The following VPS13C variants were observed in gnomAD, a reference collection of about 807,000 sequenced individuals.
VPS13C encodes intermembrane lipid transfer protein VPS13C.
A neutral mutation model predicts 456.8 loss-of-function variants in VPS13C; 358 were observed. That is an observed-to-expected ratio of 0.78 (90% CI 0.72 to 0.86). VPS13C has a LOEUF of 0.86. VPS13C is among the 40% of genes least tolerant of loss of function. The probability of loss-of-function intolerance (pLI) is 0.00; values close to 1 mark genes in which losing one functional copy is unlikely to be tolerated. For synonymous variants in VPS13C, 1,578 were observed against 1,486.7 expected (o/e 1.06, Z -1.41); for missense variants, 4,818 against 4,385.4 (o/e 1.10, Z -2.79).
At chr15:62,019,112 T>C (rs1047913988) in intron 9 of VPS13C, among the ~76,000 whole-genome samples, 1 of 152,206 alleles carries the variant, frequency 6.6e-6, no homozygotes, top group Non-Finnish European at 1.5e-5. Flanking sequence ...TAGTTTTGTA[T>C]TTCTGTGGGA....
At chr15:61,976,488 G>C (rs897360645) in intron 24 of VPS13C, among the ~76,000 whole-genome samples, 1 of 151,960 alleles carries the variant, frequency 6.6e-6, no homozygotes, top group Non-Finnish European at 1.5e-5. Context: ...TGGGGGAAGA[G>C]AAATTTAAGT....
At position 61,878,663 on chromosome 15, in the gene VPS13C, G is replaced by A; in HGVS notation, c.10086C>T (p.Asn3362=). 6.2e-7 allele frequency: 1 copy of A among 1,611,670 alleles called. No homozygotes were observed. The highest frequency in any genetic ancestry group is 2.2e-5 in the East Asian group (1 of 44,774). Residue 3362 remains asparagine (N), a synonymous_variant, in exon 74 of 85, where the codon AAC becomes AAT. Transcript: ENST00000644861. The part of the protein sequence containing the change: ...KQEMFAVHSV[N]LLLKSIGATL... ...TAGCACCTATGCTTTTCAACAGCAAGTTGACAGAATGAACTGCAAACATTT... is the reference window on the plus strand; with the variant it reads ...TAGCACCTATGCTTTTCAACAGCAAATTGACAGAATGAACTGCAAACATTT...
intron 8 of VPS13C, among the ~76,000 whole-genome samples, chr15:62,021,552 AT>A (rs1242006802): frequency 6.6e-6 from 1 of 151,924 alleles, no homozygotes; most frequent in East Asian, 1.9e-4. Context: ...GAAAAGTCTT[AT>A]AGAATTGTTT....
chr15:61,934,396 GATA>G, intron 48 of VPS13C, 65 bp from the exon 49 acceptor site: 1 of 842,280 alleles, frequency 1.2e-6, no homozygotes, highest in South Asian at 3.0e-5. Flanking sequence ...TTAAATATGA[GATA>G]ATTTCTTATT....
In VPS13C at chr15:61,961,394, AAC is replaced by A. The variant is rs66786972; in HGVS notation, c.3908+193_3908+194del. Among the ~76,000 whole-genome samples the A allele has an allele frequency of 0.074, 9,737 of 132,410 alleles. 395 individuals are homozygous for A. The highest frequency in any genetic ancestry group is 0.096 in the African/African-American group (3,236 of 33,744). 86.9% of individuals were successfully genotyped at this position (132,410 alleles called of 152,430 possible). The stretch of plus-strand genomic sequence containing the variant: ...GTGACAGACCAAGACTCCAACTCAA[AAC>A]ACACACACACACACACACACACACA... On this transcript the variant is annotated intron_variant, in intron 35 of 84. Coordinates refer to ENST00000644861, the MANE Select transcript of VPS13C (RefSeq NM_020821.3).
Position 61,853,878 on chromosome 15 carries a change from CA to C in VPS13C, c.*578del, listed in dbSNP as rs5813123. Reference sequence around the variant, plus strand: ...GTGAAACTCATCTCTACTAAAAATACAAAAAAAAAAAAAATTACCCAGGCGT... The same window carrying C: ...GTGAAACTCATCTCTACTAAAAATACAAAAAAAAAAAAATTACCCAGGCGT... On this transcript the variant is annotated 3_prime_UTR_variant, in exon 85 of 85. Transcript: ENST00000644861. 0.85 allele frequency: 122,131 copies of C among 143,044 alleles called. 52,108 individuals are homozygous for C. The highest frequency in any genetic ancestry group is 0.89 in the Admixed American group (12,836 of 14,396). 8.9% of individuals were successfully genotyped at this position (143,044 alleles called of 1,614,324 possible). A position where few individuals can be genotyped will look rare whatever the true frequency, so the allele number is the denominator to read the frequency against.
Position 61,981,342 on chromosome 15 carries a change from C to T in VPS13C, c.2166G>A (p.Gln722=), listed in dbSNP as rs776342206. 3 of 1,606,504 alleles carry T rather than the reference C, an allele frequency of 1.9e-6. No homozygotes were observed. Among genetic ancestry groups the T allele is most frequent in the Non-Finnish European group, 2.5e-6 (3 of 1,177,430 alleles). The change falls in exon 22 of 85, where the codon CAG becomes CAA. Residue 722 remains glutamine (Q), a splice_region_variant and synonymous_variant. Coordinates refer to ENST00000644861, the MANE Select transcript of VPS13C (RefSeq NM_020821.3). The stretch of plus-strand genomic sequence containing the variant: ...GACAAAAAAACGCATATATACCTAC[C>T]TGAAATGTACCAAAATCTAAAATCA... ...DLLILDFGTF[Q]LNSKDQGLQK...
At chr15:61,930,127 T>C (rs1022088061) in intron 50 of VPS13C, among the ~76,000 whole-genome samples, 1 of 152,236 alleles carries the variant, frequency 6.6e-6, no homozygotes. Flanking sequence ...GGCAGCCTTT[T>C]AATATTATTT....
At chr15:62,060,094 A>T (rs2048948033) in intron 1 of VPS13C, among the ~76,000 whole-genome samples, 181 bp downstream of exon 1, 1 of 152,078 alleles carries the variant, frequency 6.6e-6, no homozygotes, top group South Asian at 2.1e-4. Context: ...CCCCAGCCGG[A>T]GTCGGGACTG....
intron 22 of VPS13C, 73 bp from the exon 23 acceptor site, chr15:61,978,822 G>C: frequency 6.9e-7 from 1 of 1,456,118 alleles, no homozygotes; most frequent in Non-Finnish European, 9.1e-7. Context: ...CTTTAGTTAG[G>C]TTTCAGTCTT....
intron 45 of VPS13C, among the ~76,000 whole-genome samples, chr15:61,945,235 T>C (rs2044564542): frequency 6.6e-6 from 1 of 152,232 alleles, no homozygotes; most frequent in East Asian, 1.9e-4. Flanking sequence ...CAGGCAGTTC[T>C]TTATAGCAGT....
chr15:62,038,104 G>A (rs1409583337), intron 3 of VPS13C, among the ~76,000 whole-genome samples: 1 of 152,094 alleles, frequency 6.6e-6, no homozygotes, highest in East Asian at 1.9e-4. Context: ...TAAAATTATA[G>A]GAGTAAGCCA....
Position 61,949,612 on chromosome 15 carries a change from T to A in VPS13C, c.4597-7A>T, listed in dbSNP as rs1486215824. The stretch of plus-strand genomic sequence containing the variant: ...CTAAGGATGCAAATGAAACCTAAGA[T>A]AATGAACAATTAAAGAGGCAGATTT... On this transcript the variant is annotated splice_polypyrimidine_tract_variant and splice_region_variant and intron_variant, in intron 41 of 84. Transcript: ENST00000644861. The A allele has an allele frequency of 6.3e-7, 1 of 1,588,884 alleles. No individual in the cohort carries two copies. Among genetic ancestry groups the A allele is most frequent in the East Asian group, 2.2e-5 (1 of 44,558 alleles).
rs1476922943 is a variant in VPS13C, at chr15:61,854,021, G to A, written c.*436C>T. 9 of 151,956 alleles carry A rather than the reference G, an allele frequency of 5.9e-5. No individual in the cohort carries two copies. Among genetic ancestry groups the A allele is most frequent in the Admixed American group, 2.6e-4 (4 of 15,446 alleles). The allele number at this position is 151,956 out of a possible 1,614,324, so 9.4% of individuals were successfully genotyped here. A position where few individuals can be genotyped will look rare whatever the true frequency, so the allele number is the denominator to read the frequency against. ...CGCACCACTGCATTCCAGCCTGGGC[G>A]ACAGAGCAAGACTCGGTCTCAAAAA... On this transcript the variant is annotated 3_prime_UTR_variant, in exon 85 of 85. Coordinates refer to ENST00000644861, the MANE Select transcript of VPS13C (RefSeq NM_020821.3).
chr15:61,951,514 T>C (rs1025789616), intron 39 of VPS13C, among the ~76,000 whole-genome samples: 1 of 152,198 alleles, frequency 6.6e-6, no homozygotes, highest in Non-Finnish European at 1.5e-5. Context: ...TATTAATTTT[T>C]TCCTCTATAT....
intron 3 of VPS13C, among the ~76,000 whole-genome samples, chr15:62,037,513 AAG>A (rs1442355678): frequency 4.0e-5 from 5 of 125,738 alleles, no homozygotes; most frequent in African/African-American, 1.8e-4. Context: ...ATTATATTGT[AAG>A]AATATAATAA....
intron 16 of VPS13C, among the ~76,000 whole-genome samples, chr15:61,993,684 T>A (rs1018805441): frequency 1.3e-5 from 2 of 152,030 alleles, no homozygotes; most frequent in Non-Finnish European, 2.9e-5. Context: ...ATTTCAAACA[T>A]AGAAAGGCTA....
chr15:61,887,781 C>G (rs1373157575), intron 67 of VPS13C, among the ~76,000 whole-genome samples: 1 of 152,038 alleles, frequency 6.6e-6, no homozygotes, highest in Non-Finnish European at 1.5e-5. Flanking sequence ...GGAAATAAAG[C>G]TAACTTTCGG....
chr15:61,996,763 G>A (rs879021811), intron 16 of VPS13C, among the ~76,000 whole-genome samples: 5 of 150,528 alleles, frequency 3.3e-5, no homozygotes, highest in African/African-American at 9.8e-5. Flanking sequence ...GATGACAGAA[G>A]AAAGACAGAA....
Sources: allele counts gnomAD v4.1 joint callset (sites outside exome capture counted in the v4.1 genomes callset), GRCh38; gene constraint gnomAD v4.1.1; transcripts MANE v1.5; gene names NCBI Gene and HGNC (gene_info 2026-07-23, HGNC 2026-07-21).